NOX4: variants seen among roughly 807,000 people sequenced by gnomAD.
The protein encoded by NOX4 is NADPH oxidase 4, also known as kidney oxidase-1.
NOX4 carries 69 observed loss-of-function variants against 87.6 expected under a neutral mutation model. The ratio of observed to expected loss-of-function variants is 0.79; its 90% CI spans 0.65 to 0.96. NOX4 has a LOEUF of 0.96. Among genes scored for constraint, NOX4 ranks in the 40% least tolerant of loss-of-function variants. The pLI, the probability that NOX4 is intolerant of heterozygous loss-of-function variation, is 0.00. For synonymous variants in NOX4, 275 were observed against 238.2 expected (o/e 1.15, Z -1.42); for missense variants, 680 against 681.5 (o/e 1.00, Z 0.02).
chr11:89,508,733 A>G, the NOX4 span, among the ~76,000 whole-genome samples: 2 of 152,066 alleles, frequency 1.3e-5, no homozygotes, highest in Non-Finnish European at 2.9e-5. Flanking sequence ...CCTGTTCTCA[A>G]TGCTGTGTTA....
At chr11:89,467,349 C>CAAAAAAAAAAAAAAAAAAA (rs71052233) in intron 2 of NOX4, among the ~76,000 whole-genome samples, 7 of 61,424 alleles carry the variant, frequency 1.1e-4, no homozygotes, top group African/African-American at 4.0e-4. Context: ...AAACTCGTCA[C>CAAAAAAAAAAAAAAAAAAA]AAAAAAAAAA....
At chr11:89,350,299 A>G (rs1946401666) in intron 13 of NOX4, among the ~76,000 whole-genome samples, 1 of 152,230 alleles carries the variant, frequency 6.6e-6, no homozygotes, top group Admixed American at 6.5e-5. Flanking sequence ...ACATATACAT[A>G]CATACACATA....
chr11:89,453,586 G>T (rs913849463), intron 2 of NOX4, among the ~76,000 whole-genome samples: 10 of 152,140 alleles, frequency 6.6e-5, no homozygotes, highest in African/African-American at 2.4e-4. Context: ...GTTAGCAAAA[G>T]CACACCTATC....
chr11:89,452,665 C>T (rs974659600), intron 2 of NOX4, among the ~76,000 whole-genome samples: 1 of 151,876 alleles, frequency 6.6e-6, no homozygotes, highest in African/African-American at 2.4e-5. Context: ...TTTACATATC[C>T]ATCCCCCAAA....
At chr11:89,408,195 G>A (rs1942290230) in intron 8 of NOX4, among the ~76,000 whole-genome samples, 1 of 152,014 alleles carries the variant, frequency 6.6e-6, no homozygotes, top group African/African-American at 2.4e-5. Context: ...TTTTTCTACT[G>A]CCTAAAATAG....
chr11:89,485,747 G>A (rs1171521509), intron 2 of NOX4, among the ~76,000 whole-genome samples: 1 of 152,120 alleles, frequency 6.6e-6, no homozygotes, highest in South Asian at 2.1e-4. Context: ...TTATTTAAAA[G>A]GTTGCCATGG....
At chr11:89,580,656 G>A in the NOX4 span, among the ~76,000 whole-genome samples, 2 of 151,954 alleles carry the variant, frequency 1.3e-5, no homozygotes, top group Non-Finnish European at 2.9e-5. Context: ...CTCTATTTGG[G>A]GAATTATATT....
chr11:89,502,265 T>C (rs573560004), upstream of NOX4, among the ~76,000 whole-genome samples: 6 of 152,176 alleles, frequency 3.9e-5, no homozygotes, highest in African/African-American at 1.4e-4. Context: ...ACGAGTCTTA[T>C]CGGAACACAG....
the NOX4 span, among the ~76,000 whole-genome samples, chr11:89,549,544 G>A: frequency 2.2e-3 from 337 of 152,286 alleles, no homozygotes; most frequent in Middle Eastern, 6.8e-3. Flanking sequence ...AGGGCATGCA[G>A]GTTTGTTACA....
intron 17 of NOX4, among the ~76,000 whole-genome samples, chr11:89,327,387 T>A (rs1565162265): frequency 1.3e-5 from 2 of 152,194 alleles, no homozygotes; most frequent in Non-Finnish European, 2.9e-5. Context: ...CAATTTGAAA[T>A]AATAATTTTA....
At chr11:89,545,376 T>C in the NOX4 span, 1 of 152,160 alleles carries the variant, frequency 6.6e-6, no homozygotes, top group Non-Finnish European at 1.5e-5. Context: ...TAGAAACCTT[T>C]TTCTCGGCCA....
intron 2 of NOX4, among the ~76,000 whole-genome samples, chr11:89,468,169 C>A (rs1565329394): frequency 6.6e-6 from 1 of 152,162 alleles, no homozygotes. Flanking sequence ...TTCCACATAA[C>A]AGGCTGTTCC....
chr11:89,408,427 A>G (rs575010088), intron 8 of NOX4, among the ~76,000 whole-genome samples: 1 of 152,318 alleles, frequency 6.6e-6, no homozygotes, highest in East Asian at 1.9e-4. Context: ...AGACAGTAAC[A>G]TTAAGTAACA....
intron 8 of NOX4, among the ~76,000 whole-genome samples, chr11:89,417,204 G>A (rs3862356): frequency 0.16 from 24,720 of 151,952 alleles, 2,926 homozygotes; most frequent in African/African-American, 0.32. Flanking sequence ...GAGCTGGGTT[G>A]GGCTCTTAAG....
intron 7 of NOX4, among the ~76,000 whole-genome samples, chr11:89,431,853 A>C (rs578246537): frequency 6.6e-6 from 1 of 152,190 alleles, no homozygotes; most frequent in Admixed American, 6.5e-5. Flanking sequence ...ATTACTGGGT[A>C]TATACCCAAA....
the NOX4 span, among the ~76,000 whole-genome samples, chr11:89,523,538 T>G: frequency 6.6e-6 from 1 of 152,252 alleles, no homozygotes; most frequent in Non-Finnish European, 1.5e-5. Flanking sequence ...GTTATTTAAC[T>G]GTTCATTATT....
At chr11:89,359,741 A>G (rs1187057626) in intron 12 of NOX4, among the ~76,000 whole-genome samples, 5 of 151,768 alleles carry the variant, frequency 3.3e-5, no homozygotes, top group Non-Finnish European at 7.4e-5. Context: ...CCCTTCCCTA[A>G]CTGCCTCTCT....
At chr11:89,489,710 G>A (rs188868772) in intron 2 of NOX4, among the ~76,000 whole-genome samples, 20 of 138,638 alleles carry the variant, frequency 1.4e-4, no homozygotes, top group East Asian at 4.1e-4. Flanking sequence ...CCTGGGCATC[G>A]CAGCAAGACT....
chr11:89,516,262 T>G, the NOX4 span, among the ~76,000 whole-genome samples: 5 of 152,046 alleles, frequency 3.3e-5, no homozygotes, highest in East Asian at 9.7e-4. Flanking sequence ...ACAGTTTTGG[T>G]TTTAAACAGT....
Sources: gnomAD v4.1 joint callset for allele counts (sites outside exome capture counted in the v4.1 genomes callset) on GRCh38, gnomAD v4.1.1 for gene constraint, MANE v1.5 for transcripts, NCBI Gene and HGNC (gene_info 2026-07-23, HGNC 2026-07-21) for gene names.